Variants in FRMPD4 observed in about 807,000 individuals in gnomAD.
FRMPD4 encodes the protein FERM and PDZ domain-containing protein 4.
FRMPD4 carries 22 observed loss-of-function variants against 94.1 expected under a neutral mutation model. That is an observed-to-expected ratio of 0.23 (90% confidence interval 0.17 to 0.33). The LOEUF is 0.33. FRMPD4 is among the 10% of genes least tolerant of loss of function. The pLI is 1.00. For synonymous variants in FRMPD4, 631 were observed against 548.6 expected, an observed-to-expected ratio of 1.15 and a Z score of -2.10; for missense variants, 1,111 against 1,339.9, an observed-to-expected ratio of 0.83 and a Z score of 2.67.
intron 1 of FRMPD4, among the ~76,000 whole-genome samples, chrX:12,154,670 A>G (rs1157938074): frequency 8.9e-6 from 1 of 112,908 alleles, no homozygotes; most frequent in Non-Finnish European, 1.9e-5. Flanking sequence ...GAAAAATGTC[A>G]TCCTCAGTAT....
rs751375916 is a variant in FRMPD4 at position 12,098,890 on chromosome X, A to T, written c.95+220872A>T. ...TTGTTTCCCCTTATTTTGCTTCCTA[A>T]TTACATATGCTGAGTCATTCTCCTC... is the stretch of plus-strand genomic sequence containing the variant. On this transcript the variant is annotated intron_variant, in intron 3 of 18. Transcript: ENST00000640291. Among the ~76,000 whole-genome samples the T allele has an allele frequency of 1.0e-4, 11 of 109,642 alleles. No homozygotes were observed. The East Asian group carries it at 3.2e-3, about 32-fold the overall frequency.
chrX:11,892,134 T>A (rs1252360907), intron 3 of FRMPD4, among the ~76,000 whole-genome samples: 1 of 112,225 alleles, frequency 8.9e-6, no homozygotes, highest in Non-Finnish European at 1.9e-5. Flanking sequence ...GATAGACAGA[T>A]TTTTCAAGTG....
intron 1 of FRMPD4, among the ~76,000 whole-genome samples, chrX:11,855,726 T>C (rs939722321): frequency 3.6e-5 from 4 of 112,300 alleles, no homozygotes; most frequent in African/African-American, 1.3e-4. Context: ...ATTCAACAAG[T>C]ATCTAGGAAG....
At chrX:12,201,777 A>G (rs990868652) in intron 1 of FRMPD4, among the ~76,000 whole-genome samples, 2 of 111,671 alleles carry the variant, frequency 1.8e-5, no homozygotes, top group East Asian at 2.8e-4. Context: ...GTTACTAATG[A>G]ATAGATGTTT....
At chrX:12,475,682 G>A (rs1341774165) in intron 1 of FRMPD4, among the ~76,000 whole-genome samples, 2 of 111,717 alleles carry the variant, frequency 1.8e-5, no homozygotes, top group African/African-American at 6.5e-5. Flanking sequence ...GACAAACAGA[G>A]AGCCAAATCA....
intron 2 of FRMPD4, among the ~76,000 whole-genome samples, chrX:12,505,749 A>T (rs3066466): frequency 2.5e-5 from 2 of 78,814 alleles, no homozygotes; most frequent in Admixed American, 1.3e-4. Context: ...AAAAAAAAAA[A>T]GGGGGGGAGA....
intron 1 of FRMPD4, among the ~76,000 whole-genome samples, chrX:12,336,434 G>A (rs1352077298): frequency 9.0e-6 from 1 of 111,464 alleles, no homozygotes; most frequent in Non-Finnish European, 1.9e-5. Flanking sequence ...ATGATGTATG[G>A]GATTCAGAGA....
intron 7 of FRMPD4, among the ~76,000 whole-genome samples, chrX:12,689,807 G>A (rs1461527413): frequency 3.5e-5 from 4 of 112,793 alleles, no homozygotes; most frequent in African/African-American, 1.3e-4. Flanking sequence ...AACCCTTGGG[G>A]CAGACCACTT....
intron 3 of FRMPD4, among the ~76,000 whole-genome samples, chrX:11,982,884 G>A (rs909079233): frequency 5.4e-5 from 6 of 111,550 alleles, no homozygotes; most frequent in African/African-American, 1.3e-4. Flanking sequence ...TATCTGAAGC[G>A]GGTCTGATTC....
chrX:11,995,585 G>T (rs1298807964), intron 3 of FRMPD4, among the ~76,000 whole-genome samples: 2 of 111,250 alleles, frequency 1.8e-5, no homozygotes, highest in African/African-American at 6.5e-5. Flanking sequence ...ATAGATTTTT[G>T]GATATCTTTT....
chrX:12,656,203 A>G (rs1338036447), intron 4 of FRMPD4, among the ~76,000 whole-genome samples: 1 of 112,146 alleles, frequency 8.9e-6, no homozygotes, highest in Non-Finnish European at 1.9e-5. Context: ...AGAGTAAAAA[A>G]GTAAGGTAAA....
intron 3 of FRMPD4, among the ~76,000 whole-genome samples, chrX:12,096,168 C>G (rs1441693019): frequency 1.8e-5 from 2 of 112,331 alleles, no homozygotes; most frequent in Non-Finnish European, 3.8e-5. Context: ...ATATCGGAAA[C>G]AGGTATAATA....
intron 3 of FRMPD4, among the ~76,000 whole-genome samples, chrX:12,123,131 T>C (rs1183771408): frequency 9.3e-6 from 1 of 107,192 alleles, no homozygotes; most frequent in Non-Finnish European, 1.9e-5. Context: ...TTCTTTTTTT[T>C]TTTTTTTTTT....
At chrX:12,355,168 T>C (rs2055875765) in intron 1 of FRMPD4, among the ~76,000 whole-genome samples, 1 of 105,639 alleles carries the variant, frequency 9.5e-6, no homozygotes, top group Admixed American at 1.0e-4. Context: ...CTTGTAGTAC[T>C]AGTGAGATGC....
intron 1 of FRMPD4, among the ~76,000 whole-genome samples, chrX:12,392,330 C>T (rs910240075): frequency 3.8e-5 from 4 of 104,700 alleles, no homozygotes; most frequent in East Asian, 3.3e-4. Context: ...CGTGAGCCAC[C>T]GCACCCAGTC....
At chrX:12,039,344 AT>A (rs1363799606) in intron 3 of FRMPD4, among the ~76,000 whole-genome samples, 1 of 109,408 alleles carries the variant, frequency 9.1e-6, no homozygotes, top group Non-Finnish European at 1.9e-5. Flanking sequence ...GTGAAAACTT[AT>A]TATTGGTTTG....
At chrX:12,401,131 T>C (rs935444169) in intron 1 of FRMPD4, among the ~76,000 whole-genome samples, 15 of 111,579 alleles carry the variant, frequency 1.3e-4, no homozygotes, top group Non-Finnish European at 2.8e-4. Flanking sequence ...AGGGAAAAAG[T>C]GTTCTAGGAA....
chrX:11,884,993 T>A (rs1341423471), intron 3 of FRMPD4, among the ~76,000 whole-genome samples: 1 of 111,481 alleles, frequency 9.0e-6, no homozygotes, highest in Non-Finnish European at 1.9e-5. Flanking sequence ...TCGAAATGGA[T>A]GCACCGAAAC....
At chrX:12,204,464 G>A (rs912313921) in intron 1 of FRMPD4, among the ~76,000 whole-genome samples, 2 of 111,536 alleles carry the variant, frequency 1.8e-5, no homozygotes, top group East Asian at 2.8e-4. Context: ...GTACGCTGCC[G>A]AAAAGTGAGG....
Sources: allele counts gnomAD v4.1 joint callset (sites outside exome capture counted in the v4.1 genomes callset), GRCh38; gene constraint gnomAD v4.1.1; transcripts MANE v1.5; gene names NCBI Gene and HGNC (gene_info 2026-07-23, HGNC 2026-07-21).